Variants in SLC25A38 observed in about 807,000 individuals in gnomAD.
SLC25A38 encodes solute carrier family 25 member 38.
SLC25A38 carries 27 observed loss-of-function variants against 33.4 expected under a neutral mutation model. The ratio of observed to expected loss-of-function variants is 0.81; its 90% CI spans 0.60 to 1.11. SLC25A38 has a LOEUF of 1.11. Ranked by LOEUF, SLC25A38 falls within the 50% of genes most tolerant of loss-of-function variation. The pLI is 0.00. For missense variants in SLC25A38, 344 were observed against 388.8 expected, an observed-to-expected ratio of 0.88 and a Z score of 0.97; for synonymous variants, 123 against 145.9, an observed-to-expected ratio of 0.84 and a Z score of 1.13.
rs1014548038 is a variant in SLC25A38, at chr3:39,383,446, C to A, written c.-279C>A. 4 of 501,384 alleles carry A rather than the reference C, an allele frequency of 8.0e-6. No homozygotes were observed. The highest frequency in any genetic ancestry group is 1.5e-5 in the Non-Finnish European group (4 of 275,240). The allele number at this position is 501,384 out of a possible 1,614,324, so 31.1% of individuals were successfully genotyped here. On this transcript the variant is annotated 5_prime_UTR_variant, in exon 1 of 7. Transcript: ENST00000650617. ...TACGGTGCTGAAGCCTGCAGCAGGG[C>A]AGGATGGGCAGGAGAGCAGAGCCGC... is the stretch of plus-strand genomic sequence containing the variant.
chr3:39,394,260 T>A (rs2125582658), intron 5 of SLC25A38, 150 bp from the exon 6 acceptor site: 1 of 919,708 alleles, frequency 1.1e-6, no homozygotes, highest in Admixed American at 1.9e-5. Flanking sequence ...CCACATAAAT[T>A]TACTAGTTGC....
chr3:39,391,997 C>G lies in SLC25A38; in HGVS notation c.601C>G (p.Gln201Glu). ...AGGAATCTACCTGATGTTTTACAAC[C>G]AGACCAAAAATATAGTGCCTCATGG... ...FSGIYLMFYN[Q>E]TKNIVPHDQV... Residue 201 changes from glutamine (Q) to glutamate (E), a missense_variant, in exon 5 of 7, where the codon CAG (glutamine) becomes GAG (glutamate). By Grantham distance (29) the Gln-to-Glu change is conservative. This residue lies in a region of SLC25A38 where 269 missense variants were observed against 271.8 expected (regional missense o/e 0.99). Coordinates refer to ENST00000650617, the MANE Select transcript of SLC25A38 (RefSeq NM_017875.4). The G allele has an allele frequency of 1.2e-6, 2 of 1,614,200 alleles. No homozygotes were observed. The highest frequency in any genetic ancestry group is 1.7e-6 in the Non-Finnish European group (2 of 1,180,040).
intron 6 of SLC25A38, 125 bp from the exon 7 acceptor site, chr3:39,396,273 G>A: frequency 6.8e-7 from 1 of 1,469,298 alleles, no homozygotes; most frequent in Non-Finnish European, 9.5e-7. Context: ...TTCTTACTTT[G>A]GGCATAAAGT....
chr3:39,395,936 C>T (rs959315701), intron 6 of SLC25A38, among the ~76,000 whole-genome samples: 4 of 150,508 alleles, frequency 2.7e-5, no homozygotes, highest in Middle Eastern at 3.5e-3. Flanking sequence ...TTTGGCCAAG[C>T]GCGGTAGCTC....
At position 39,391,852 on chromosome 3, in the gene SLC25A38, G is replaced by C; in HGVS notation, c.457-1G>C. On this transcript the variant is annotated splice_acceptor_variant, in intron 4 of 6. Transcript: ENST00000650617. LOFTEE classifies it high-confidence loss of function. ...TCACTGGTTCTGTGCTCTCTTTGCA[G>C]AGTGGGAAATATGGCTATGAGAGTA... 6.2e-7 allele frequency: 1 copy of C among 1,613,286 alleles called. No individual in the cohort carries two copies. The highest frequency in any genetic ancestry group is 8.5e-7 in the Non-Finnish European group (1 of 1,179,944).
chr3:39,388,454 CA>C (rs2125576866), intron 1 of SLC25A38: 1 of 152,194 alleles, frequency 6.6e-6, no homozygotes, highest in Non-Finnish European at 1.5e-5. Context: ...CTGCAGATTA[CA>C]AATATTTCAG....
Position 39,383,919 on chromosome 3 carries a change from C to T in SLC25A38, c.69+126C>T, listed in dbSNP as rs551999743. 40 of 1,076,932 alleles carry T rather than the reference C, an allele frequency of 3.7e-5. No homozygotes were observed. The African/African-American group carries it at 5.3e-4, about 14-fold the overall frequency. The allele number at this position is 1,076,932 out of a possible 1,614,324, so 66.7% of individuals were successfully genotyped here. ...CAGGGTGCGCTCAGGATTTAGGATG[C>T]GGCGGGAGAGGAGTCTGACTAAGGG... On this transcript the variant is annotated intron_variant, in intron 1 of 6. Transcript: ENST00000650617.
At chr3:39,393,445 A>C (rs2041796288) in intron 5 of SLC25A38, among the ~76,000 whole-genome samples, 1 of 152,238 alleles carries the variant, frequency 6.6e-6, no homozygotes. Flanking sequence ...TTTCCTATGA[A>C]TAAGGACATC....
chr3:39,390,719 C>G (rs984581236), intron 3 of SLC25A38, among the ~76,000 whole-genome samples: 1 of 152,208 alleles, frequency 6.6e-6, no homozygotes, highest in African/African-American at 2.4e-5. Context: ...TTTATTAGTG[C>G]AGCATAGTCT....
intron 1 of SLC25A38, among the ~76,000 whole-genome samples, chr3:39,386,152 T>C (rs1386830015): frequency 1.3e-5 from 2 of 152,212 alleles, no homozygotes; most frequent in African/African-American, 4.8e-5. Flanking sequence ...CTAATACATT[T>C]GTCATTACTT....
At chr3:39,385,823 A>C (rs936052585) in intron 1 of SLC25A38, among the ~76,000 whole-genome samples, 1 of 152,194 alleles carries the variant, frequency 6.6e-6, no homozygotes, top group Admixed American at 6.5e-5. Context: ...AGAAGCCGGA[A>C]GGAGAGGCAC....
intron 1 of SLC25A38, among the ~76,000 whole-genome samples, 165 bp downstream of exon 1, chr3:39,383,958 G>A (rs548537897): frequency 6.6e-6 from 1 of 152,316 alleles, no homozygotes; most frequent in South Asian, 2.1e-4. Context: ...TGAGAAGGGG[G>A]CAGGGAGTGA....
At position 39,396,618 on chromosome 3, in the gene SLC25A38, C is replaced by T. The variant is rs1373442181; in HGVS notation, c.*98C>T. The T allele has an allele frequency of 6.3e-7, 1 of 1,599,560 alleles. No individual in the cohort carries two copies. The highest frequency in any genetic ancestry group is 1.1e-5 in the South Asian group (1 of 90,296). On this transcript the variant is annotated 3_prime_UTR_variant, in exon 7 of 7. Transcript: ENST00000650617. Reference sequence around the variant, plus strand: ...ATTCTGCAGTAAGATGAAGTCCTACCTGGAAAACCAGGCAGAAATTGTGTT... The same window carrying T: ...ATTCTGCAGTAAGATGAAGTCCTACTTGGAAAACCAGGCAGAAATTGTGTT...
chr3:39,391,774 C>G lies in SLC25A38; in HGVS notation c.457-79C>G, dbSNP rs1485202835. On this transcript the variant is annotated intron_variant, in intron 4 of 6. Coordinates refer to ENST00000650617, the MANE Select transcript of SLC25A38 (RefSeq NM_017875.4). ...GTGAACTAGATCCCATGGTAATGCC[C>G]CATAACCTGCAGTCTGCTTGTTCAG... is the stretch of plus-strand genomic sequence containing the variant. 3.7e-6 allele frequency: 6 copies of G among 1,604,050 alleles called. No individual in the cohort carries two copies. In the African/African-American group the frequency reaches 8.0e-5, roughly 21 times the overall value.
At chr3:39,392,718 T>C (rs2041786019) in intron 5 of SLC25A38, among the ~76,000 whole-genome samples, 1 of 152,090 alleles carries the variant, frequency 6.6e-6, no homozygotes, top group South Asian at 2.1e-4. Context: ...TATGGATAAT[T>C]TGAGCAAGGA....
chr3:39,386,358 ATTGC>A (rs2041708059), intron 1 of SLC25A38, among the ~76,000 whole-genome samples: 1 of 152,192 alleles, frequency 6.6e-6, no homozygotes, highest in South Asian at 2.1e-4. Flanking sequence ...AGGTGAGCAG[ATTGC>A]TTGAGTCCAG....
At chr3:39,395,825 A>G (rs2041821238) in intron 6 of SLC25A38, among the ~76,000 whole-genome samples, 1 of 152,082 alleles carries the variant, frequency 6.6e-6, no homozygotes, top group Non-Finnish European at 1.5e-5. Flanking sequence ...AAACTGCACA[A>G]GTACACAGCA....
rs1218409807 is a variant in SLC25A38 at position 39,391,951 on chromosome 3, C to T, written c.555C>T (p.Leu185=). 1 of 1,614,212 alleles carries T rather than the reference C, an allele frequency of 6.2e-7. No homozygotes were observed. The highest frequency in any genetic ancestry group is 2.2e-5 in the East Asian group (1 of 44,882). ...TCTTCAGTGGCCTGACAGCAACTCTCCTTCGAGATGCGCCCTTCTCAGGAA... is the reference window on the plus strand; with the variant it reads ...TCTTCAGTGGCCTGACAGCAACTCTTCTTCGAGATGCGCCCTTCTCAGGAA... ...RGLFSGLTAT[L]LRDAPFSGIY... The change falls in exon 5 of 7, where the codon CTC becomes CTT. Residue 185 remains leucine, a synonymous_variant. Transcript: ENST00000650617.
chr3:39,396,611 G>A lies in SLC25A38; in HGVS notation c.*91G>A, dbSNP rs1465230315. ...TCTTACTATTCTGCAGTAAGATGAA[G>A]TCCTACCTGGAAAACCAGGCAGAAA... On this transcript the variant is annotated 3_prime_UTR_variant, in exon 7 of 7. Coordinates refer to ENST00000650617, the MANE Select transcript of SLC25A38 (RefSeq NM_017875.4). 6.2e-7 allele frequency: 1 copy of A among 1,605,372 alleles called. No individual in the cohort carries two copies. The highest frequency in any genetic ancestry group is 1.7e-5 in the Admixed American group (1 of 59,732).
Sources: gnomAD v4.1 joint callset for allele counts (sites outside exome capture counted in the v4.1 genomes callset) on GRCh38, gnomAD v4.1.1 for gene constraint, gnomAD v4.1.1 regional missense constraint, MANE v1.5 for transcripts, NCBI Gene and HGNC (gene_info 2026-07-23, HGNC 2026-07-21) for gene names.